SYN2: variants seen among roughly 807,000 people sequenced by gnomAD.
SYN2 encodes synapsin II.
Under a neutral mutation model 50.9 loss-of-function variants are expected in SYN2, and 19 were observed. The ratio of observed to expected loss-of-function variants is 0.37; its 90% CI spans 0.26 to 0.55. The LOEUF is 0.55. Among genes scored for constraint, SYN2 ranks in the 20% least tolerant of loss-of-function variants. The pLI is 0.81. For synonymous variants in SYN2, 255 were observed against 224.9 expected (o/e 1.13, Z -1.20); for missense variants, 587 against 576.4 (o/e 1.02, Z -0.19).
rs1442104565 is a variant in SYN2 at position 12,167,351 on chromosome 3, G to C, written c.1055+43G>C. 1.9e-6 allele frequency: 3 copies of C among 1,573,556 alleles called. No homozygotes were observed. The East Asian group carries it at 6.8e-5, about 36-fold the overall frequency. ...GTCCAGTTTCCAGCCCAGTGAGAGG[G>C]AGGCTTCCTTAGATGAAGAAGTTTA... On this transcript the variant is annotated intron_variant, in intron 8 of 12. Coordinates refer to ENST00000621198, the MANE Select transcript of SYN2 (RefSeq NM_133625.6).
intron 1 of SYN2, among the ~76,000 whole-genome samples, chr3:12,095,876 C>CAAA (rs1695921740): frequency 6.6e-6 from 1 of 152,068 alleles, no homozygotes; most frequent in African/African-American, 2.4e-5. Flanking sequence ...CCAATTTTTA[C>CAAA]CTCCAGTAAG....
At chr3:12,008,875 A>C (rs1693856538) in intron 1 of SYN2, among the ~76,000 whole-genome samples, 1 of 152,204 alleles carries the variant, frequency 6.6e-6, no homozygotes, top group Admixed American at 6.5e-5. Flanking sequence ...AGGAAAGTAC[A>C]ACTGCAGAAA....
intron 1 of SYN2, among the ~76,000 whole-genome samples, chr3:12,095,788 T>C (rs1258623841): frequency 6.6e-6 from 1 of 151,582 alleles, no homozygotes; most frequent in Non-Finnish European, 1.5e-5. Flanking sequence ...CCTTAGTTGT[T>C]CTCTTTCTGT....
At chr3:12,139,750 C>T (rs1490059754) in intron 1 of SYN2, among the ~76,000 whole-genome samples, 1 of 152,150 alleles carries the variant, frequency 6.6e-6, no homozygotes, top group Non-Finnish European at 1.5e-5. Context: ...ACTGGAAAAG[C>T]AAGCTCAACT....
chr3:12,049,188 C>T (rs1449773809), intron 1 of SYN2, among the ~76,000 whole-genome samples: 2 of 151,980 alleles, frequency 1.3e-5, no homozygotes, highest in African/African-American at 4.8e-5. Context: ...GGAAAGTTAA[C>T]ATTGGGCCCA....
chr3:12,135,351 A>G (rs186926171), intron 1 of SYN2, among the ~76,000 whole-genome samples: 62 of 152,346 alleles, frequency 4.1e-4, no homozygotes, highest in African/African-American at 1.5e-3. Flanking sequence ...TGAAGCCTTC[A>G]GATGTTTGGT....
At chr3:12,181,484 G>C (rs1171345306) in intron 10 of SYN2, among the ~76,000 whole-genome samples, 1 of 152,236 alleles carries the variant, frequency 6.6e-6, no homozygotes, top group African/African-American at 2.4e-5. Context: ...ATAAAGGAGG[G>C]AGAAGGCTAG....
chr3:12,104,205 T>C (rs1431387492), intron 1 of SYN2, among the ~76,000 whole-genome samples: 1 of 152,172 alleles, frequency 6.6e-6, no homozygotes, highest in Non-Finnish European at 1.5e-5. Flanking sequence ...TGATCATAGA[T>C]CACTGCAGCC....
At chr3:12,171,636 C>T (rs1051012951) in intron 10 of SYN2, among the ~76,000 whole-genome samples, 7 of 152,198 alleles carry the variant, frequency 4.6e-5, no homozygotes, top group African/African-American at 1.4e-4. Context: ...AAAGTAAAGG[C>T]CGTGCTAAGA....
intron 4 of SYN2, among the ~76,000 whole-genome samples, chr3:12,148,046 G>A (rs1308042247): frequency 2.6e-5 from 4 of 152,054 alleles, no homozygotes; most frequent in African/African-American, 7.2e-5. Flanking sequence ...CCCGGGAGGC[G>A]GAGCTTGCAA....
At chr3:12,108,252 CAG>C (rs1696240835) in intron 1 of SYN2, among the ~76,000 whole-genome samples, 1 of 152,112 alleles carries the variant, frequency 6.6e-6, no homozygotes, top group Non-Finnish European at 1.5e-5. Context: ...TTAGGAGCAT[CAG>C]AGTGTTTTTA....
rs1446710340 is a variant in SYN2 at position 12,160,069 on chromosome 3, AAAAG to A, written c.775-1473_775-1470del. 3.5e-3 allele frequency among the ~76,000 whole-genome samples: 501 copies of A among 144,322 alleles called. 4 individuals carry two copies. The highest frequency in any genetic ancestry group is 0.012 in the African/African-American group (469 of 37,626). 94.7% of individuals were successfully genotyped at this position (144,322 alleles called of 152,430 possible). On this transcript the variant is annotated intron_variant, in intron 5 of 12. Coordinates refer to ENST00000621198, the MANE Select transcript of SYN2 (RefSeq NM_133625.6). ...AAAAAAAAAAAAAAAAAAAAAAAGT[AAAAG>A]AAAAAACAAAGAAGCAGGGGACTTG...
chr3:12,188,056 GACTC>G (rs1698381615), intron 12 of SYN2, among the ~76,000 whole-genome samples: 1 of 151,882 alleles, frequency 6.6e-6, no homozygotes, highest in Non-Finnish European at 1.5e-5. Context: ...TTCTGCCTCT[GACTC>G]ACAGTTCAGA....
intron 12 of SYN2, among the ~76,000 whole-genome samples, chr3:12,188,035 A>AAT (rs1553624101): frequency 3.9e-5 from 6 of 152,084 alleles, no homozygotes; most frequent in African/African-American, 1.4e-4. Context: ...GTAAAAAAAA[A>AAT]TTTTTAATCT....
At chr3:12,171,283 T>C (rs1236944616) in intron 10 of SYN2, among the ~76,000 whole-genome samples, 1 of 152,212 alleles carries the variant, frequency 6.6e-6, no homozygotes, top group Non-Finnish European at 1.5e-5. Context: ...TAAAAAAATA[T>C]CAGGCCTATG....
At chr3:12,113,618 C>A (rs1213038307) in intron 1 of SYN2, among the ~76,000 whole-genome samples, 1 of 152,106 alleles carries the variant, frequency 6.6e-6, no homozygotes, top group Non-Finnish European at 1.5e-5. Context: ...ATTTCCCTTT[C>A]CCTCAACCCT....
chr3:12,067,053 G>A (rs1210897200), intron 1 of SYN2, among the ~76,000 whole-genome samples: 1 of 152,116 alleles, frequency 6.6e-6, no homozygotes, highest in Admixed American at 6.5e-5. Flanking sequence ...AACAGCATGG[G>A]GGTAACTGCC....
chr3:12,184,344 G>C, intron 11 of SYN2: 1 of 985,890 alleles, frequency 1.0e-6, no homozygotes, highest in Non-Finnish European at 1.2e-6. Context: ...GTGTGGACCT[G>C]AGGCTGCTTT....
chr3:12,028,507 TC>T (rs1694315298), intron 1 of SYN2, among the ~76,000 whole-genome samples: 1 of 149,730 alleles, frequency 6.7e-6, no homozygotes, highest in Admixed American at 6.6e-5. Context: ...GTAAAAGTGT[TC>T]CTATTTCTCC....
Sources: allele counts gnomAD v4.1 joint callset (sites outside exome capture counted in the v4.1 genomes callset), GRCh38; gene constraint gnomAD v4.1.1; transcripts MANE v1.5; gene names NCBI Gene and HGNC (gene_info 2026-07-23, HGNC 2026-07-21).